Variants in PCDHGA12 observed in about 807,000 individuals in gnomAD.
The protein encoded by PCDHGA12 is protocadherin gamma subfamily A, 12.
Under a neutral mutation model 61.1 loss-of-function variants are expected in PCDHGA12, and 43 were observed. The observed-to-expected ratio is 0.70, with a 90% CI of 0.55 to 0.91. PCDHGA12 has a LOEUF of 0.91. PCDHGA12 is among the 40% of genes least tolerant of loss of function. The pLI is 0.00. For missense variants in PCDHGA12, 1,236 were observed against 1,227.7 expected, an observed-to-expected ratio of 1.01 and a Z score of -0.10; for synonymous variants, 520 against 542.9, an observed-to-expected ratio of 0.96 and a Z score of 0.59.
In PCDHGA12 at chr5:141,477,524, A is replaced by G. The variant is rs1302186932; in HGVS notation, c.2425-17283A>G. The stretch of plus-strand genomic sequence containing the variant: ...CTACGACGTTTACATTGAAGAAAAC[A>G]ACCTCCCCGGGGCTCCAATACTAAA... On this transcript the variant is annotated intron_variant, in intron 1 of 3. Coordinates refer to ENST00000252085, the MANE Select transcript of PCDHGA12 (RefSeq NM_003735.3). The surrounding 1 kb of genome is among the most constrained non-coding windows in gnomAD (Gnocchi z 4.9). The G allele has an allele frequency of 1.2e-6, 2 of 1,614,122 alleles. No individual in the cohort carries two copies. Among genetic ancestry groups the G allele is most frequent in the Non-Finnish European group, 1.7e-6 (2 of 1,180,022 alleles).
At chr5:141,439,774 T>G (rs1435214431) in intron 1 of PCDHGA12, 2 of 152,364 alleles carry the variant, frequency 1.3e-5, no homozygotes, top group East Asian at 3.9e-4. Context: ...CCTTCTTGGC[T>G]GGAGATTCTA....
chr5:141,494,775 A>G (rs1202233200), intron 1 of PCDHGA12, 32 bp from the exon 2 acceptor site: 1 of 1,613,580 alleles, frequency 6.2e-7, no homozygotes. Flanking sequence ...TCTCACGGGT[A>G]CTCAGCCCCT....
intron 1 of PCDHGA12, among the ~76,000 whole-genome samples, chr5:141,437,926 T>C (rs1374182368): frequency 2.6e-5 from 4 of 152,058 alleles, no homozygotes; most frequent in Admixed American, 1.3e-4. Context: ...TTAGTAGAGA[T>C]GGGGTTTCAC....
chr5:141,447,119 A>AT (rs2098526425), intron 1 of PCDHGA12, among the ~76,000 whole-genome samples: 1 of 150,848 alleles, frequency 6.6e-6, no homozygotes, highest in South Asian at 2.1e-4. Flanking sequence ...TGCTCCATGG[A>AT]TTTTTTTGTT....
intron 2 of PCDHGA12, among the ~76,000 whole-genome samples, chr5:141,504,141 T>C (rs1289360763): frequency 6.6e-6 from 1 of 152,192 alleles, no homozygotes; most frequent in East Asian, 1.9e-4. Flanking sequence ...AACACTCCCC[T>C]GCAAATTGAA....
intron 1 of PCDHGA12, among the ~76,000 whole-genome samples, chr5:141,444,058 C>A (rs2154560450): frequency 6.8e-6 from 1 of 147,774 alleles, no homozygotes; most frequent in East Asian, 2.0e-4. Context: ...CATCTTCAAT[C>A]TAGATTCTGA....
chr5:141,481,312 T>C (rs953898526), intron 1 of PCDHGA12, among the ~76,000 whole-genome samples: 1 of 152,200 alleles, frequency 6.6e-6, no homozygotes, highest in Non-Finnish European at 1.5e-5. Flanking sequence ...AAAACCTTCC[T>C]AAAGCACTAG....
chr5:141,478,135 C>T (rs1307702473), intron 1 of PCDHGA12: 7 of 1,613,970 alleles, frequency 4.3e-6, no homozygotes, highest in African/African-American at 1.3e-5. Flanking sequence ...CTCCTGAAGC[C>T]CGAGCCGAGT....
At chr5:141,475,819 G>A (rs1232669115) in intron 1 of PCDHGA12, 4 of 350,114 alleles carry the variant, frequency 1.1e-5, no homozygotes, top group Non-Finnish European at 1.6e-5. Context: ...GAAGTTCCTG[G>A]CGCTAGCGCG....
At chr5:141,459,300 A>G (rs954766370) in intron 1 of PCDHGA12, among the ~76,000 whole-genome samples, 2 of 152,202 alleles carry the variant, frequency 1.3e-5, no homozygotes, top group Non-Finnish European at 2.9e-5. Context: ...ATCCTATAAC[A>G]TATACTATTT....
chr5:141,502,491 T>G lies in PCDHGA12; in HGVS notation c.2484-2902T>G, dbSNP rs557202239. Among the ~76,000 whole-genome samples, 1,415 of 152,344 alleles carry G rather than the reference T, an allele frequency of 9.3e-3. 29 individuals carry two copies. The highest frequency in any genetic ancestry group is 0.033 in the African/African-American group (1,352 of 41,578). ...TCCCGCAGCATCACACTGGGACTCA[T>G]CTAACGTCGGCCTGTCCCACTATCA... is the stretch of plus-strand genomic sequence containing the variant. On this transcript the variant is annotated intron_variant, in intron 2 of 3. Transcript: ENST00000252085.
chr5:141,481,427 T>C lies in PCDHGA12; in HGVS notation c.2425-13380T>C, dbSNP rs79272909. Reference sequence around the variant, plus strand: ...TTGTATAATTAGATTGTGATGATGATTGTATCAGTTTAGTACATGTAAATA... The same window carrying C: ...TTGTATAATTAGATTGTGATGATGACTGTATCAGTTTAGTACATGTAAATA... On this transcript the variant is annotated intron_variant, in intron 1 of 3. Transcript: ENST00000252085. Among the ~76,000 whole-genome samples the C allele has an allele frequency of 6.0e-3, 907 of 152,334 alleles. 5 individuals are homozygous for C. Among genetic ancestry groups the C allele is most frequent in the African/African-American group, 0.02 (840 of 41,578 alleles).
chr5:141,489,692 G>A lies in PCDHGA12; in HGVS notation c.2425-5115G>A. 1.9e-6 allele frequency: 3 copies of A among 1,614,128 alleles called. No individual in the cohort carries two copies. The highest frequency in any genetic ancestry group is 1.7e-6 in the Non-Finnish European group (2 of 1,179,980). On this transcript the variant is annotated intron_variant, in intron 1 of 3. Coordinates refer to ENST00000252085, the MANE Select transcript of PCDHGA12 (RefSeq NM_003735.3). The surrounding 1 kb of genome is among the most constrained non-coding windows in gnomAD (Gnocchi z 4.5). The stretch of plus-strand genomic sequence containing the variant: ...TCAGAATCAGCAGCATCTGGGGCAC[G>A]ATTCCCACTGGACAGTGCCCAGGAT...
At chr5:141,469,249 C>T (rs1025813940) in intron 1 of PCDHGA12, among the ~76,000 whole-genome samples, 1 of 152,026 alleles carries the variant, frequency 6.6e-6, no homozygotes, top group Non-Finnish European at 1.5e-5. Flanking sequence ...TGCACTCCAG[C>T]TTGGGCAACA....
intron 3 of PCDHGA12, among the ~76,000 whole-genome samples, chr5:141,509,139 A>G (rs1042555376): frequency 2.6e-5 from 4 of 152,140 alleles, no homozygotes; most frequent in African/African-American, 9.7e-5. Flanking sequence ...ACCGAGGCGC[A>G]TCCCGGCTCT....
intron 1 of PCDHGA12, chr5:141,441,702 A>G: frequency 3.2e-6 from 1 of 309,906 alleles, no homozygotes. Context: ...GCGAGCCTTC[A>G]AGCTCACGCT....
Position 141,476,373 on chromosome 5 carries a change from T to C in PCDHGA12, c.2425-18434T>C. 1 of 1,614,054 alleles carries C rather than the reference T, an allele frequency of 6.2e-7. No individual in the cohort carries two copies. Among genetic ancestry groups the C allele is most frequent in the Non-Finnish European group, 8.5e-7 (1 of 1,180,020 alleles). On this transcript the variant is annotated intron_variant, in intron 1 of 3. Transcript: ENST00000252085. This position sits in a 1 kb window ranked among gnomAD's most constrained non-coding sequence, Gnocchi z 7.6. ...GAGGTGAACCGGGAGACCGGAGAGA[T>C]GTTTGTGAACGACCGTCTGGATCGA...
chr5:141,451,860 C>T, intron 1 of PCDHGA12, among the ~76,000 whole-genome samples: 1 of 151,832 alleles, frequency 6.6e-6, no homozygotes, highest in Non-Finnish European at 1.5e-5. Flanking sequence ...CAGCCTAGGC[C>T]ACAGAATGAA....
intron 3 of PCDHGA12, among the ~76,000 whole-genome samples, chr5:141,507,760 T>G (rs2099863136): frequency 6.6e-6 from 1 of 152,202 alleles, no homozygotes; most frequent in Non-Finnish European, 1.5e-5. Context: ...GCCTCCCACC[T>G]TTGGCCCACA....
Sources: allele counts gnomAD v4.1 joint callset (sites outside exome capture counted in the v4.1 genomes callset), GRCh38; gene constraint gnomAD v4.1.1; non-coding constraint Gnocchi (gnomAD v3.1); transcripts MANE v1.5; gene names NCBI Gene and HGNC (gene_info 2026-07-23, HGNC 2026-07-21).